The following DAB1 variants were observed in gnomAD, a reference collection of about 807,000 sequenced individuals.
The protein encoded by DAB1 is disabled homolog 1.
DAB1 carries 15 observed loss-of-function variants against 64.6 expected under a neutral mutation model. The observed-to-expected ratio is 0.23, with a 90% CI of 0.16 to 0.36. DAB1 has a LOEUF of 0.36. Among genes scored for constraint, DAB1 ranks in the 10% least tolerant of loss-of-function variants. DAB1 has a pLI of 1.00. For missense variants in DAB1, 596 were observed against 706.7 expected (o/e 0.84, Z 1.78); for synonymous variants, 235 against 251.9 (o/e 0.93, Z 0.64).
chr1:57,980,949 A>G (rs932307669), intron 5 of DAB1, among the ~76,000 whole-genome samples: 7 of 151,866 alleles, frequency 4.6e-5, no homozygotes, highest in Non-Finnish European at 1.0e-4. Flanking sequence ...AGATAGATAA[A>G]CATATATATA....
intron 4 of DAB1, among the ~76,000 whole-genome samples, chr1:57,129,187 T>C (rs182963301): frequency 6.6e-6 from 1 of 152,310 alleles, no homozygotes; most frequent in Non-Finnish European, 1.5e-5. Context: ...GAAACATTCA[T>C]GGTCTCACTT....
At position 58,344,313 on chromosome 1, in the gene DAB1, T is replaced by C. The variant is rs74748917; in HGVS notation, n.258-910A>G. 3.7e-3 allele frequency among the ~76,000 whole-genome samples: 569 copies of C among 152,196 alleles called. 17 individuals carry two copies. In the East Asian group the frequency reaches 0.08, roughly 21 times the overall value. ...AAGGAAGATCCTCAAGCATCAGTGA[T>C]TAAAGGGGTAAGAGAGGAAATTAGT... On this transcript the variant is annotated intron_variant and non_coding_transcript_variant, in intron 3 of 20. Transcript: ENST00000485760.
intron 2 of DAB1, among the ~76,000 whole-genome samples, chr1:57,193,887 A>G (rs988619650): frequency 3.9e-5 from 6 of 152,254 alleles, no homozygotes; most frequent in African/African-American, 1.4e-4. Context: ...ATATGGCCTT[A>G]GCCAAGTTAC....
At chr1:57,258,890 C>A (rs932265961) in intron 2 of DAB1, among the ~76,000 whole-genome samples, 1 of 152,012 alleles carries the variant, frequency 6.6e-6, no homozygotes, top group African/African-American at 2.4e-5. Context: ...GCACCCACCT[C>A]CCCAAGAGCT....
At chr1:58,418,014 G>A (rs1049904159) in intron 3 of DAB1, among the ~76,000 whole-genome samples, 10 of 151,976 alleles carry the variant, frequency 6.6e-5, no homozygotes, top group African/African-American at 1.9e-4. Flanking sequence ...TCACTCTATT[G>A]GAAGGGAAGA....
intron 5 of DAB1, among the ~76,000 whole-genome samples, chr1:57,913,340 G>C (rs1644676817): frequency 2.0e-5 from 3 of 152,108 alleles, no homozygotes; most frequent in Non-Finnish European, 4.4e-5. Flanking sequence ...ACAAGAAATG[G>C]GGAAAGGATT....
chr1:57,565,972 C>A (rs894960580), intron 7 of DAB1, among the ~76,000 whole-genome samples: 1 of 152,224 alleles, frequency 6.6e-6, no homozygotes, highest in Non-Finnish European at 1.5e-5. Context: ...ACAGAATATA[C>A]ATTCTTCTCA....
At chr1:58,170,985 G>A (rs1656139994) in intron 4 of DAB1, among the ~76,000 whole-genome samples, 1 of 150,598 alleles carries the variant, frequency 6.6e-6, no homozygotes, top group Non-Finnish European at 1.5e-5. Flanking sequence ...CTGTCCTCAA[G>A]GTCCGTTACC....
intron 4 of DAB1, among the ~76,000 whole-genome samples, chr1:57,128,152 A>T (rs907605842): frequency 3.9e-5 from 4 of 103,194 alleles, no homozygotes; most frequent in East Asian, 5.0e-4. Context: ...TCAAAAAATA[A>T]AAATAAATAA....
intron 3 of DAB1, among the ~76,000 whole-genome samples, chr1:58,462,109 G>GT (rs1557770618): frequency 4.3e-4 from 58 of 133,928 alleles, no homozygotes; most frequent in Middle Eastern, 4.2e-3. Flanking sequence ...ATCTGAGAAG[G>GT]TTTCTTTTTT....
intron 4 of DAB1, among the ~76,000 whole-genome samples, chr1:57,121,474 C>A (rs2100753718): frequency 6.6e-6 from 1 of 151,050 alleles, no homozygotes; most frequent in African/African-American, 2.4e-5. Flanking sequence ...GGCAGCCTTG[C>A]AAAAAAGGAA....
intron 2 of DAB1, among the ~76,000 whole-genome samples, chr1:57,150,248 AG>A (rs1422204862): frequency 6.6e-6 from 1 of 152,260 alleles, no homozygotes; most frequent in African/African-American, 2.4e-5. Flanking sequence ...ATTGGCAAAC[AG>A]TAAGAGCTTA....
rs532087016 is a variant in DAB1 at position 57,715,452 on chromosome 1, T to A, written n.552-65787A>T. 2.0e-5 allele frequency among the ~76,000 whole-genome samples: 3 copies of A among 152,250 alleles called. No individual in the cohort carries two copies. The East Asian group carries it at 5.8e-4, about 29-fold the overall frequency. ...AGAGCAATTAGGCAGGAGAAAGAAA[T>A]AAATGAAATAAATTTCCATACAAAT... On this transcript the variant is annotated intron_variant and non_coding_transcript_variant, in intron 6 of 20. Transcript: ENST00000485760.
chr1:57,432,758 C>A (rs1473753544), intron 7 of DAB1, among the ~76,000 whole-genome samples: 3 of 152,244 alleles, frequency 2.0e-5, no homozygotes, highest in Non-Finnish European at 4.4e-5. Flanking sequence ...TCACTTTCAA[C>A]CAAAATTTCT....
intron 7 of DAB1, among the ~76,000 whole-genome samples, chr1:57,530,945 C>T (rs1446545479): frequency 6.6e-6 from 1 of 152,140 alleles, no homozygotes; most frequent in East Asian, 1.9e-4. Context: ...AGCAGAGAAT[C>T]TTTTGTTGGT....
At chr1:58,322,800 T>C (rs1206236433) in intron 4 of DAB1, among the ~76,000 whole-genome samples, 1 of 152,182 alleles carries the variant, frequency 6.6e-6, no homozygotes, top group Admixed American at 6.5e-5. Context: ...CGTATGTTTA[T>C]TGCCGCACTA....
chr1:58,135,232 A>G (rs1653873912), intron 5 of DAB1, among the ~76,000 whole-genome samples: 1 of 152,204 alleles, frequency 6.6e-6, no homozygotes. Context: ...AGGACTGTCC[A>G]TGTCCTAAAC....
intron 9 of DAB1, among the ~76,000 whole-genome samples, chr1:57,034,830 C>T (rs1327102470): frequency 2.0e-5 from 3 of 152,174 alleles, no homozygotes; most frequent in Non-Finnish European, 4.4e-5. Context: ...CACCCATAGC[C>T]TCGTAGTACT....
chr1:57,850,769 A>G (rs947649181), intron 1 of DAB1, among the ~76,000 whole-genome samples: 1 of 152,176 alleles, frequency 6.6e-6, no homozygotes, highest in African/African-American at 2.4e-5. Context: ...GCCTTCCAAC[A>G]TCATTTTTTT....
Sources: gnomAD v4.1 joint callset for allele counts (sites outside exome capture counted in the v4.1 genomes callset) on GRCh38, gnomAD v4.1.1 for gene constraint, MANE v1.5 for transcripts, NCBI Gene and HGNC (gene_info 2026-07-23, HGNC 2026-07-21) for gene names.